Variants in PLD5 observed in about 807,000 individuals in gnomAD.
PLD5 encodes the protein inactive phospholipase D5.
PLD5 carries 36 observed loss-of-function variants against 61.1 expected under a neutral mutation model. The observed-to-expected ratio is 0.59, with a 90% CI of 0.45 to 0.78. The LOEUF (loss-of-function observed/expected upper bound fraction) is 0.78, where lower values mean the gene tolerates loss of function less well. Among genes scored for constraint, PLD5 ranks in the 30% least tolerant of loss-of-function variants. The pLI is 0.00. For synonymous variants in PLD5, 243 were observed against 242.8 expected, an observed-to-expected ratio of 1.00 and a Z score of -0.01; for missense variants, 515 against 644.4, an observed-to-expected ratio of 0.80 and a Z score of 2.17.
chr1:242,208,383 A>C (rs1015016482), intron 5 of PLD5, among the ~76,000 whole-genome samples: 31 of 152,096 alleles, frequency 2.0e-4, no homozygotes, highest in Non-Finnish European at 4.3e-4. Flanking sequence ...CTGGCTTCAC[A>C]TTAGCATACA....
At chr1:242,442,410 T>G (rs542136471) in intron 1 of PLD5, among the ~76,000 whole-genome samples, 4 of 152,328 alleles carry the variant, frequency 2.6e-5, no homozygotes, top group African/African-American at 9.6e-5. Flanking sequence ...TACGTCCACT[T>G]TATCCATGGC....
At chr1:242,109,535 A>G (rs768331815) in intron 7 of PLD5, among the ~76,000 whole-genome samples, 3 of 152,204 alleles carry the variant, frequency 2.0e-5, no homozygotes, top group Non-Finnish European at 4.4e-5. Flanking sequence ...AAGCTCCACA[A>G]AGTCACAAGA....
chr1:242,135,186 C>T (rs545133764), intron 5 of PLD5, among the ~76,000 whole-genome samples: 12 of 151,974 alleles, frequency 7.9e-5, no homozygotes, highest in Non-Finnish European at 1.3e-4. Context: ...TATATGCATA[C>T]GTACATATAC....
intron 4 of PLD5, among the ~76,000 whole-genome samples, chr1:242,232,668 C>T (rs891847314): frequency 1.3e-5 from 2 of 151,928 alleles, no homozygotes; most frequent in Admixed American, 1.3e-4. Flanking sequence ...CATGATGAAA[C>T]CCCATCTCTA....
chr1:242,122,653 A>G (rs879285380), intron 6 of PLD5, among the ~76,000 whole-genome samples: 4 of 152,216 alleles, frequency 2.6e-5, no homozygotes, highest in Non-Finnish European at 4.4e-5. Flanking sequence ...AATGCCCTAT[A>G]ATATGCTACT....
At chr1:242,280,039 T>C (rs1674634986) in intron 3 of PLD5, among the ~76,000 whole-genome samples, 1 of 152,240 alleles carries the variant, frequency 6.6e-6, no homozygotes, top group Non-Finnish European at 1.5e-5. Context: ...ACAGCTATCT[T>C]TTAAAAGCTC....
chr1:242,122,565 T>A (rs986715203), intron 6 of PLD5, among the ~76,000 whole-genome samples: 3 of 152,224 alleles, frequency 2.0e-5, no homozygotes, highest in Admixed American at 2.0e-4. Flanking sequence ...GGAATACTCC[T>A]TGGCCTCCTG....
At chr1:242,111,188 C>T (rs901519282) in intron 7 of PLD5, among the ~76,000 whole-genome samples, 1 of 151,938 alleles carries the variant, frequency 6.6e-6, no homozygotes, top group South Asian at 2.1e-4. Flanking sequence ...TCCCGAGTAG[C>T]TGGGATTATA....
upstream of PLD5, among the ~76,000 whole-genome samples, chr1:242,529,068 G>A (rs1336357973): frequency 2.0e-5 from 3 of 152,106 alleles, no homozygotes; most frequent in Non-Finnish European, 4.4e-5. Context: ...AGATTCAACA[G>A]CTAAAAACAA....
chr1:242,123,476 TCACA>T (rs962549768), intron 6 of PLD5, among the ~76,000 whole-genome samples: 1 of 151,936 alleles, frequency 6.6e-6, no homozygotes, highest in African/African-American at 2.4e-5. Flanking sequence ...CAGAGCACAC[TCACA>T]CACACATTCA....
At chr1:242,297,211 GC>G (rs1253585992) in intron 2 of PLD5, among the ~76,000 whole-genome samples, 9 of 152,036 alleles carry the variant, frequency 5.9e-5, no homozygotes, top group African/African-American at 2.2e-4. Flanking sequence ...GGGCATGGTG[GC>G]ATGTGCCTGT....
chr1:242,163,253 C>T (rs1666012449), intron 5 of PLD5, among the ~76,000 whole-genome samples: 1 of 149,160 alleles, frequency 6.7e-6, no homozygotes, highest in South Asian at 2.1e-4. Flanking sequence ...ATGCCATTCT[C>T]CTGCCTCAGC....
At chr1:242,504,224 A>C (rs1234718389) in intron 1 of PLD5, among the ~76,000 whole-genome samples, 1 of 152,234 alleles carries the variant, frequency 6.6e-6, no homozygotes, top group Non-Finnish European at 1.5e-5. Context: ...CTGAAACAAA[A>C]AGTTCAAAGG....
chr1:242,519,059 G>A (rs1237507391), intron 1 of PLD5, among the ~76,000 whole-genome samples: 1 of 152,184 alleles, frequency 6.6e-6, no homozygotes, highest in African/African-American at 2.4e-5. Context: ...AATGATCCCA[G>A]TAAATGTTAA....
chr1:242,469,889 TC>T (rs1219767905), intron 1 of PLD5, among the ~76,000 whole-genome samples: 1 of 152,068 alleles, frequency 6.6e-6, no homozygotes, highest in East Asian at 1.9e-4. Context: ...CACAGTTGCT[TC>T]CCCAAAGCAA....
intron 5 of PLD5, among the ~76,000 whole-genome samples, chr1:242,162,391 C>G (rs988757965): frequency 1.3e-5 from 2 of 152,082 alleles, no homozygotes; most frequent in Admixed American, 6.5e-5. Flanking sequence ...GTTGAAAAGC[C>G]ACTAGGCAAT....
chr1:242,099,100 A>AT, intron 9 of PLD5, among the ~76,000 whole-genome samples: 1 of 152,080 alleles, frequency 6.6e-6, no homozygotes, highest in African/African-American at 2.4e-5. Context: ...AGACAGGGAC[A>AT]TTTTTTTGGC....
At chr1:242,207,039 C>T (rs768843064) in intron 5 of PLD5, among the ~76,000 whole-genome samples, 2 of 152,116 alleles carry the variant, frequency 1.3e-5, no homozygotes, top group Non-Finnish European at 2.9e-5. Flanking sequence ...TTGGGAAACC[C>T]CACTCTTGTT....
At chr1:242,207,886 TTA>T (rs1343423786) in intron 5 of PLD5, among the ~76,000 whole-genome samples, 2,477 of 25,294 alleles carry the variant, frequency 0.098, 659 homozygotes, top group South Asian at 0.16. Context: ...ATTTATATAT[TTA>T]TATATATTTA....
Sources: allele counts gnomAD v4.1 joint callset (sites outside exome capture counted in the v4.1 genomes callset), GRCh38; gene constraint gnomAD v4.1.1; transcripts MANE v1.5; gene names NCBI Gene and HGNC (gene_info 2026-07-23, HGNC 2026-07-21).